The following RBFOX3 variants were observed in gnomAD, a reference collection of about 807,000 sequenced individuals.
The protein encoded by RBFOX3 is RNA binding protein fox-1 homolog 3.
Under a neutral mutation model 48.7 loss-of-function variants are expected in RBFOX3, and 17 were observed. That is an observed-to-expected ratio of 0.35 (90% CI 0.24 to 0.52). The LOEUF (loss-of-function observed/expected upper bound fraction) is 0.52, where lower values mean the gene tolerates loss of function less well. RBFOX3 is among the 20% of genes least tolerant of loss of function. The pLI is 0.94. For missense variants in RBFOX3, 382 were observed against 497.5 expected, an observed-to-expected ratio of 0.77 and a Z score of 2.21; for synonymous variants, 212 against 209.5, an observed-to-expected ratio of 1.01 and a Z score of -0.10.
At chr17:79,301,953 AG>A (rs1404099743) in intron 3 of RBFOX3, among the ~76,000 whole-genome samples, 5 of 151,978 alleles carry the variant, frequency 3.3e-5, no homozygotes, top group Admixed American at 6.6e-5. Flanking sequence ...GGACTGGGGG[AG>A]GGGGTGGTTT....
chr17:79,230,939 C>T (rs188303316), intron 4 of RBFOX3, among the ~76,000 whole-genome samples: 8 of 152,196 alleles, frequency 5.3e-5, no homozygotes. Flanking sequence ...GTGCCTGCCT[C>T]CGAGAACAAT....
At chr17:79,155,657 G>A (rs997017860) in intron 4 of RBFOX3, among the ~76,000 whole-genome samples, 3 of 152,072 alleles carry the variant, frequency 2.0e-5, no homozygotes, top group Non-Finnish European at 4.4e-5. Context: ...GGGGCACGGA[G>A]ATGAGAACGA....
At chr17:79,261,911 G>T (rs1431483249) in intron 3 of RBFOX3, among the ~76,000 whole-genome samples, 1 of 152,200 alleles carries the variant, frequency 6.6e-6, no homozygotes, top group Non-Finnish European at 1.5e-5. Context: ...GGAATTGTGG[G>T]TTTGCCTTTA....
chr17:79,104,386 G>C (rs1324823579), intron 6 of RBFOX3, among the ~76,000 whole-genome samples: 3 of 152,156 alleles, frequency 2.0e-5, no homozygotes, highest in Non-Finnish European at 4.4e-5. Context: ...TGGGGACAGG[G>C]ACAGCTCTCC....
intron 4 of RBFOX3, chr17:79,233,623 T>C (rs924861259): frequency 6.6e-6 from 1 of 152,184 alleles, no homozygotes; most frequent in Non-Finnish European, 1.5e-5. Context: ...CTTTTTTTTT[T>C]TTTAGACGGA....
intron 1 of RBFOX3, among the ~76,000 whole-genome samples, chr17:79,511,508 C>T (rs2084194119): frequency 1.3e-5 from 2 of 152,156 alleles, no homozygotes; most frequent in Admixed American, 1.3e-4. Context: ...AAAGGGGATG[C>T]AGCAGTTCTG....
At chr17:79,144,015 C>T (rs976634743) in intron 4 of RBFOX3, among the ~76,000 whole-genome samples, 22 of 152,220 alleles carry the variant, frequency 1.4e-4, no homozygotes, top group African/African-American at 5.1e-4. Context: ...TGGTAACAGG[C>T]CCCCGTGCCC....
intron 5 of RBFOX3, among the ~76,000 whole-genome samples, chr17:79,114,494 C>T (rs949301756): frequency 1.2e-4 from 19 of 152,302 alleles, no homozygotes; most frequent in African/African-American, 3.6e-4. Flanking sequence ...GCCTGGGTGA[C>T]GCTGGAGGAA....
intron 4 of RBFOX3, among the ~76,000 whole-genome samples, chr17:79,197,865 G>C (rs748365215): frequency 2.2e-4 from 33 of 152,054 alleles, no homozygotes; most frequent in Non-Finnish European, 4.6e-4. Flanking sequence ...CGGGCAAGCA[G>C]GGAGCCGGAA....
At chr17:79,565,039 CAA>C (rs1303157702) in intron 1 of RBFOX3, among the ~76,000 whole-genome samples, 8 of 113,934 alleles carry the variant, frequency 7.0e-5, no homozygotes, top group African/African-American at 1.0e-4. Flanking sequence ...GACTCTGTCT[CAA>C]AAAAAAAAAA....
chr17:79,356,366 T>TTTTTTTTTTTTG lies in RBFOX3; in HGVS notation c.-174-48543_-174-48542insCAAAAAAAAAAA, dbSNP rs1568101013. On this transcript the variant is annotated intron_variant, in intron 2 of 14. Transcript: ENST00000693108. ...CAGGGAAGTTTTTTTTTTTTTTTTT[T>TTTTTTTTTTTTG]TTTTTTTTTTTTTTTTTTTTGAGGA... 1.0e-4 allele frequency among the ~76,000 whole-genome samples: 11 copies of TTTTTTTTTTTTG among 105,972 alleles called. 1 individual carries two copies. The highest frequency in any genetic ancestry group is 3.3e-4 in the African/African-American group (9 of 27,002). 69.5% of individuals were successfully genotyped at this position (105,972 alleles called of 152,430 possible).
At chr17:79,246,510 A>G (rs1421194810) in intron 3 of RBFOX3, among the ~76,000 whole-genome samples, 2 of 152,226 alleles carry the variant, frequency 1.3e-5, no homozygotes, top group Non-Finnish European at 2.9e-5. Context: ...GCTGCACGCC[A>G]TATTCCCTCC....
At chr17:79,211,701 C>T (rs976797923) in intron 4 of RBFOX3, among the ~76,000 whole-genome samples, 2 of 152,174 alleles carry the variant, frequency 1.3e-5, no homozygotes, top group Non-Finnish European at 1.5e-5. Flanking sequence ...CAGGGCTGTA[C>T]CCCGGTCCAT....
intron 2 of RBFOX3, among the ~76,000 whole-genome samples, chr17:79,373,051 C>T (rs1460620711): frequency 6.6e-6 from 1 of 152,194 alleles, no homozygotes; most frequent in African/African-American, 2.4e-5. Flanking sequence ...GAAGAGGAAG[C>T]TCACGTCGCC....
At chr17:79,348,115 G>T (rs902210949) in intron 2 of RBFOX3, among the ~76,000 whole-genome samples, 1 of 152,162 alleles carries the variant, frequency 6.6e-6, no homozygotes, top group Non-Finnish European at 1.5e-5. Flanking sequence ...CATTCAGAGG[G>T]ACCTCCCCAA....
At chr17:79,498,983 C>T (rs1216001863) in intron 1 of RBFOX3, among the ~76,000 whole-genome samples, 1 of 151,180 alleles carries the variant, frequency 6.6e-6, no homozygotes, top group Non-Finnish European at 1.5e-5. Flanking sequence ...CTTCCACCTA[C>T]CCATCCACTT....
intron 1 of RBFOX3, among the ~76,000 whole-genome samples, chr17:79,555,009 G>C (rs899597188): frequency 1.8e-4 from 27 of 152,342 alleles, no homozygotes; most frequent in African/African-American, 6.5e-4. Context: ...GGAACAAAGA[G>C]GGTCCACAGG....
chr17:79,133,124 G>T (rs1444155066), intron 4 of RBFOX3, among the ~76,000 whole-genome samples: 1 of 152,184 alleles, frequency 6.6e-6, no homozygotes. Context: ...GGAGGAGGGG[G>T]AGCTCATGGT....
chr17:79,544,637 C>G (rs574300315), intron 1 of RBFOX3, among the ~76,000 whole-genome samples: 2 of 152,044 alleles, frequency 1.3e-5, no homozygotes, highest in Non-Finnish European at 2.9e-5. Context: ...ACCTGCCCCA[C>G]CACAACCACC....
Sources: allele counts gnomAD v4.1 joint callset (sites outside exome capture counted in the v4.1 genomes callset), GRCh38; gene constraint gnomAD v4.1.1; transcripts MANE v1.5; gene names NCBI Gene and HGNC (gene_info 2026-07-23, HGNC 2026-07-21).